NOD1: variants seen among roughly 807,000 people sequenced by gnomAD.
NOD1 encodes the protein nucleotide-binding oligomerization domain-containing protein 1.
A neutral mutation model predicts 81.2 loss-of-function variants in NOD1; 70 were observed. That is an observed-to-expected ratio of 0.86 (90% CI 0.71 to 1.05). NOD1 has a LOEUF of 1.05. NOD1 is among the 50% of genes least tolerant of loss of function. The pLI is 0.00. For missense variants in NOD1, 1,233 were observed against 1,228.0 expected (o/e 1.00, Z -0.06); for synonymous variants, 508 against 526.9 (o/e 0.96, Z 0.49).
intron 5 of NOD1, among the ~76,000 whole-genome samples, chr7:30,453,899 T>C (rs948944663): frequency 1.3e-5 from 2 of 152,256 alleles, no homozygotes; most frequent in Non-Finnish European, 2.9e-5. Flanking sequence ...TCATACAATA[T>C]GTAGTCTTTT....
At chr7:30,447,712 T>C (rs1399371589) in intron 7 of NOD1, 1 of 154,696 alleles carries the variant, frequency 6.5e-6, no homozygotes, top group Non-Finnish European at 1.4e-5. Context: ...CCGCAATCCC[T>C]TCTCTCAGAC....
rs765915374 is a variant in NOD1, at chr7:30,452,418, G to A, written c.999C>T (p.Arg333=). ...ACTGGCGCGGGACCTCGATGCCTGT[G>A]CGGGCTGTGAGCAGCTTGCTAGCCC... ...LKGASKLLTA[R]TGIEVPRQFL... The change falls in exon 6 of 14, where the codon CGC becomes CGT. Residue 333 remains arginine (R), a synonymous_variant. Transcript: ENST00000222823. 6.2e-7 allele frequency: 1 copy of A among 1,613,372 alleles called. No individual in the cohort carries two copies. Among genetic ancestry groups the A allele is most frequent in the South Asian group, 1.1e-5 (1 of 91,078 alleles).
chr7:30,426,999 G>A (rs77963521), intron 13 of NOD1, among the ~76,000 whole-genome samples: 5 of 152,204 alleles, frequency 3.3e-5, no homozygotes, highest in East Asian at 3.9e-4. Flanking sequence ...AAATAATTAC[G>A]CAAATGATTT....
At chr7:30,462,948 C>CAAAA (rs11313806) in intron 1 of NOD1, among the ~76,000 whole-genome samples, 16 of 101,330 alleles carry the variant, frequency 1.6e-4, no homozygotes, top group African/African-American at 5.9e-4. Flanking sequence ...GACTCCATCT[C>CAAAA]AAAAAAAAAA....
At chr7:30,474,897 G>A (rs1358652380) in intron 1 of NOD1, among the ~76,000 whole-genome samples, 1 of 152,160 alleles carries the variant, frequency 6.6e-6, no homozygotes, top group Non-Finnish European at 1.5e-5. Context: ...TATTAAGTAT[G>A]AAACACTAGC....
intron 9 of NOD1, among the ~76,000 whole-genome samples, chr7:30,439,250 G>GTATGCCCATGTGCACAGC (rs1784657066): frequency 2.8e-5 from 4 of 142,670 alleles, no homozygotes; most frequent in Admixed American, 6.7e-5. Flanking sequence ...TTGGAGGGAG[G>GTATGCCCATGTGCACAGC]AGCCAAGATG....
At chr7:30,453,442 G>A (rs1786013451) in intron 5 of NOD1, among the ~76,000 whole-genome samples, 1 of 152,102 alleles carries the variant, frequency 6.6e-6, no homozygotes. Flanking sequence ...CTTTTTTGTT[G>A]TTAGAGATAG....
intron 1 of NOD1, chr7:30,460,648 G>C: frequency 1.0e-6 from 1 of 985,450 alleles, no homozygotes; most frequent in Middle Eastern, 5.2e-4. Context: ...GATCGGAGGA[G>C]GGTGAGTCCA....
chr7:30,427,327 T>C (rs1177891602), intron 13 of NOD1, among the ~76,000 whole-genome samples: 3 of 152,190 alleles, frequency 2.0e-5, no homozygotes, highest in Non-Finnish European at 4.4e-5. Flanking sequence ...TTCCAAGTTA[T>C]TTTCAGAAAG....
At chr7:30,447,406 T>A in intron 7 of NOD1, 2 of 292,146 alleles carry the variant, frequency 6.8e-6, no homozygotes, top group Non-Finnish European at 1.3e-5. Context: ...GATGGGTATT[T>A]ACAACTAAGA....
intron 4 of NOD1, 152 bp from the exon 5 acceptor site, chr7:30,455,463 G>A (rs1365385343): frequency 1.7e-6 from 1 of 597,172 alleles, no homozygotes; most frequent in Non-Finnish European, 2.9e-6. Flanking sequence ...TCAACATATT[G>A]GAGCCCGAAA....
intron 13 of NOD1, among the ~76,000 whole-genome samples, chr7:30,426,597 G>C (rs1783477872): frequency 6.6e-6 from 1 of 151,986 alleles, no homozygotes; most frequent in Non-Finnish European, 1.5e-5. Flanking sequence ...TTGCAGATCT[G>C]ATCACATGCC....
chr7:30,447,082 T>C, intron 7 of NOD1, 32 bp from the exon 8 acceptor site: 1 of 1,613,598 alleles, frequency 6.2e-7, no homozygotes, highest in Non-Finnish European at 8.5e-7. Context: ...TGAGACTTTC[T>C]GGCTCCTGAT....
intron 1 of NOD1, among the ~76,000 whole-genome samples, chr7:30,476,732 G>A (rs1562726912): frequency 6.6e-6 from 1 of 152,196 alleles, no homozygotes; most frequent in Admixed American, 6.5e-5. Flanking sequence ...ATCACATGCA[G>A]TAAAACTGTA....
At chr7:30,430,706 G>A (rs1484363254) in intron 12 of NOD1, among the ~76,000 whole-genome samples, 1 of 152,198 alleles carries the variant, frequency 6.6e-6, no homozygotes, top group Non-Finnish European at 1.5e-5. Context: ...AACTATAAGA[G>A]TGCCCCCCAT....
chr7:30,431,935 A>G (rs185741933), intron 12 of NOD1, among the ~76,000 whole-genome samples: 12 of 152,220 alleles, frequency 7.9e-5, no homozygotes, highest in African/African-American at 2.9e-4. Context: ...GTGAAACCCC[A>G]TCTCTATTAA....
chr7:30,453,101 A>G, intron 5 of NOD1, 61 bp from the exon 6 acceptor site: 1 of 1,533,054 alleles, frequency 6.5e-7, no homozygotes, highest in East Asian at 2.3e-5. Flanking sequence ...AAACAGCATC[A>G]AACAGGGAGG....
chr7:30,427,282 T>C (rs192850246), intron 13 of NOD1, among the ~76,000 whole-genome samples: 1 of 152,330 alleles, frequency 6.6e-6, no homozygotes, highest in Non-Finnish European at 1.5e-5. Flanking sequence ...CTAATTTCTG[T>C]TCTTAAAGAC....
chr7:30,455,033 G>C (rs957628496), intron 5 of NOD1, 104 bp downstream of exon 5: 7 of 1,106,516 alleles, frequency 6.3e-6, no homozygotes, highest in Non-Finnish European at 9.2e-6. Flanking sequence ...ATAGCACCTG[G>C]GCCTGCTTCC....
Sources: gnomAD v4.1 joint callset for allele counts (sites outside exome capture counted in the v4.1 genomes callset) on GRCh38, gnomAD v4.1.1 for gene constraint, MANE v1.5 for transcripts, NCBI Gene and HGNC (gene_info 2026-07-23, HGNC 2026-07-21) for gene names.